The following STT3B variants were observed in gnomAD, a reference collection of about 807,000 sequenced individuals.
STT3B encodes dolichyl-diphosphooligosaccharide--protein glycosyltransferase subunit STT3B.
In STT3B, 29 loss-of-function variants were observed where a neutral mutation model predicts 96.8. That is an observed-to-expected ratio of 0.30 (90% CI 0.22 to 0.41). The LOEUF (loss-of-function observed/expected upper bound fraction) is 0.41, where lower values mean the gene tolerates loss of function less well. STT3B is among the 10% of genes least tolerant of loss of function. STT3B has a pLI of 1.00. For missense variants in STT3B, 640 were observed against 1,022.3 expected (o/e 0.63, Z 5.10); for synonymous variants, 367 against 360.0 (o/e 1.02, Z -0.22).
chr3:31,631,827 G>A (rs1446927812), intron 14 of STT3B, among the ~76,000 whole-genome samples: 1 of 151,924 alleles, frequency 6.6e-6, no homozygotes, highest in Non-Finnish European at 1.5e-5. Flanking sequence ...ACTTATGCTA[G>A]ATTTGTATGT....
At chr3:31,567,760 GT>G in intron 1 of STT3B, among the ~76,000 whole-genome samples, 1 of 152,180 alleles carries the variant, frequency 6.6e-6, no homozygotes, top group South Asian at 2.1e-4. Context: ...TATATGTGAT[GT>G]TTTGGTACAG....
intron 3 of STT3B, among the ~76,000 whole-genome samples, chr3:31,595,067 A>G (rs1698756192): frequency 6.6e-6 from 1 of 152,124 alleles, no homozygotes. Flanking sequence ...TCAAAATGTG[A>G]CTGGACAAAA....
intron 3 of STT3B, among the ~76,000 whole-genome samples, chr3:31,593,772 T>C (rs1317389299): frequency 6.6e-6 from 1 of 152,144 alleles, no homozygotes; most frequent in Non-Finnish European, 1.5e-5. Context: ...TTATGGAAAT[T>C]TTGTGTTATA....
intron 1 of STT3B, among the ~76,000 whole-genome samples, chr3:31,540,577 A>C (rs944589247): frequency 9.9e-5 from 15 of 152,092 alleles, no homozygotes; most frequent in African/African-American, 3.1e-4. Context: ...GCAACCTATA[A>C]AATCCTTCAA....
At chr3:31,574,054 G>A (rs193261075) in intron 1 of STT3B, among the ~76,000 whole-genome samples, 2 of 152,238 alleles carry the variant, frequency 1.3e-5, no homozygotes, top group East Asian at 3.9e-4. Flanking sequence ...GGACTCTCAT[G>A]GTTCCTGGTT....
intron 5 of STT3B, among the ~76,000 whole-genome samples, chr3:31,609,469 C>T (rs1467949785): frequency 2.0e-5 from 3 of 152,146 alleles, no homozygotes; most frequent in Admixed American, 2.0e-4. Context: ...TAAACATTGC[C>T]AGAATTAAAT....
chr3:31,632,003 A>G (rs1283372573), intron 14 of STT3B, among the ~76,000 whole-genome samples: 1 of 151,888 alleles, frequency 6.6e-6, no homozygotes, highest in Non-Finnish European at 1.5e-5. Context: ...CTACAGGCAC[A>G]TACCACCACG....
chr3:31,584,120 A>G (rs1168045694), intron 3 of STT3B, among the ~76,000 whole-genome samples: 1 of 152,134 alleles, frequency 6.6e-6, no homozygotes, highest in Non-Finnish European at 1.5e-5. Flanking sequence ...AGGAATTCCA[A>G]CTTCATTCTT....
At position 31,615,161 on chromosome 3, in the gene STT3B, G is replaced by A; in HGVS notation, c.934G>A (p.Gly312Arg). Residue 312 changes from glycine to arginine, a missense_variant, in exon 6 of 16, where the codon GGA becomes AGA. By Grantham distance (125) the Gly-to-Arg change is moderately radical (BLOSUM62 -2). Around this residue, in one of 8 missense-constraint regions of STT3B, gnomAD observed 267 missense variants for 388.3 expected, o/e 0.69. Coordinates refer to ENST00000295770, the MANE Select transcript of STT3B (RefSeq NM_178862.3). The stretch of plus-strand genomic sequence containing the variant: ...ATTATCAATGCAGATACCTTTTGTG[G>A]GATTCCAGCCAATCAGAACAAGTGA... Reference protein sequence around the residue: ...LILSMQIPFVGFQPIRTSEHM... With the variant: ...LILSMQIPFVRFQPIRTSEHM... 6.2e-7 allele frequency: 1 copy of A among 1,611,172 alleles called. No homozygotes were observed. The highest frequency in any genetic ancestry group is 8.5e-7 in the Non-Finnish European group (1 of 1,178,046).
intron 3 of STT3B, among the ~76,000 whole-genome samples, chr3:31,590,451 T>C (rs1379746687): frequency 1.3e-5 from 2 of 152,042 alleles, no homozygotes; most frequent in Non-Finnish European, 2.9e-5. Context: ...TTTACTTCTT[T>C]AGCTGTAGTC....
chr3:31,613,702 T>G (rs1164485179), intron 5 of STT3B, among the ~76,000 whole-genome samples: 1 of 151,892 alleles, frequency 6.6e-6, no homozygotes, highest in Non-Finnish European at 1.5e-5. Context: ...CCTCTGTGAC[T>G]CTCCTTTATC....
chr3:31,582,757 C>A (rs1471223424), intron 3 of STT3B, among the ~76,000 whole-genome samples: 1 of 151,618 alleles, frequency 6.6e-6, no homozygotes, highest in Non-Finnish European at 1.5e-5. Context: ...GTTTTGTTTT[C>A]ATTCATCTCT....
Position 31,617,973 on chromosome 3 carries a change from C to A in STT3B, c.1157C>A (p.Ser386Ter). 6.2e-7 allele frequency: 1 copy of A among 1,602,530 alleles called. No homozygotes were observed. The highest frequency in any genetic ancestry group is 8.5e-7 in the Non-Finnish European group (1 of 1,170,066). ...GCACCATGGAGTGGCAGGTTTTATT[C>A]ATTGTGGGATACTGGGTAAGTACAG... ...YIAPWSGRFY[S>*]LWDTGYAKIH... Residue 386 changes from serine to a stop codon, truncating the protein, a stop_gained, in exon 8 of 16, where the codon TCA becomes TAA. Coordinates refer to ENST00000295770, the MANE Select transcript of STT3B (RefSeq NM_178862.3). LOFTEE classifies it high-confidence loss of function.
chr3:31,626,047 A>T lies in STT3B; in HGVS notation c.1993A>T (p.Ile665Phe). Reference sequence around the variant, plus strand: ...TGTTTTGGTTATTTTTGGAGGGGTTATTGGCTATTCTGGTGATGATATCAA... The same window carrying T: ...TGTTTTGGTTATTTTTGGAGGGGTTTTTGGCTATTCTGGTGATGATATCAA... ...DYVLVIFGGV[I>F]GYSGDDINKF... The change falls in exon 13 of 16, where the codon ATT (isoleucine) becomes TTT (phenylalanine). Residue 665 changes from isoleucine (I) to phenylalanine (F), a missense_variant. Ile to Phe is a conservative substitution (Grantham distance 21). This residue lies in a region of STT3B where 149 missense variants were observed against 250.2 expected (regional missense o/e 0.60). Coordinates refer to ENST00000295770, the MANE Select transcript of STT3B (RefSeq NM_178862.3). The T allele has an allele frequency of 6.2e-7, 1 of 1,613,812 alleles. No homozygotes were observed. Among genetic ancestry groups the T allele is most frequent in the Non-Finnish European group, 8.5e-7 (1 of 1,179,818 alleles).
intron 3 of STT3B, among the ~76,000 whole-genome samples, chr3:31,594,929 G>T (rs929621762): frequency 6.6e-6 from 1 of 152,182 alleles, no homozygotes; most frequent in African/African-American, 2.4e-5. Flanking sequence ...CTGGTACATG[G>T]ATGAGTTCTT....
intron 2 of STT3B, among the ~76,000 whole-genome samples, chr3:31,579,477 TA>T (rs1173591549): frequency 0.36 from 24,178 of 66,496 alleles, 3,850 homozygotes; most frequent in Middle Eastern, 0.49. Context: ...CCTGTTTTGA[TA>T]AAAAAAAAAA....
intron 5 of STT3B, among the ~76,000 whole-genome samples, chr3:31,604,436 T>C (rs926826420): frequency 2.6e-5 from 4 of 152,062 alleles, no homozygotes; most frequent in Admixed American, 2.6e-4. Flanking sequence ...ATGTAAAAAA[T>C]CCAGCATTAA....
chr3:31,630,998 A>G lies in STT3B; in HGVS notation c.2187+1587A>G, dbSNP rs1482235105. 3.9e-5 allele frequency among the ~76,000 whole-genome samples: 6 copies of G among 152,238 alleles called. No individual in the cohort carries two copies. In the South Asian group the frequency reaches 8.3e-4, roughly 21 times the overall value. ...TTTTTAGTGGAGATGGGGTTTCACT[A>G]TATTAGCCAGGATGGTCTCGATCTG... On this transcript the variant is annotated intron_variant, in intron 14 of 15. Coordinates refer to ENST00000295770, the MANE Select transcript of STT3B (RefSeq NM_178862.3).
intron 5 of STT3B, among the ~76,000 whole-genome samples, chr3:31,610,146 T>C (rs1699150918): frequency 6.6e-6 from 1 of 152,252 alleles, no homozygotes; most frequent in Non-Finnish European, 1.5e-5. Flanking sequence ...TTCTTACTAT[T>C]CTTTATCCTG....
Sources: allele counts gnomAD v4.1 joint callset (sites outside exome capture counted in the v4.1 genomes callset), GRCh38; gene constraint gnomAD v4.1.1; regional missense constraint gnomAD v4.1.1; transcripts MANE v1.5; gene names NCBI Gene and HGNC (gene_info 2026-07-23, HGNC 2026-07-21).